The following SNX30 variants were observed in gnomAD, a reference collection of about 807,000 sequenced individuals.
SNX30 encodes sorting nexin-30.
A neutral mutation model predicts 46.4 loss-of-function variants in SNX30; 24 were observed. The observed-to-expected ratio is 0.52, with a 90% CI of 0.37 to 0.73. The LOEUF (loss-of-function observed/expected upper bound fraction) is 0.73, where lower values mean the gene tolerates loss of function less well. SNX30 is among the 30% of genes least tolerant of loss of function. SNX30 has a pLI of 0.00. For missense variants in SNX30, 533 were observed against 555.7 expected (o/e 0.96, Z 0.41); for synonymous variants, 189 against 211.5 (o/e 0.89, Z 0.92).
chr9:112,841,606 GCTC>G (rs886195994), intron 6 of SNX30, among the ~76,000 whole-genome samples: 6 of 152,202 alleles, frequency 3.9e-5, no homozygotes, highest in Non-Finnish European at 8.8e-5. Flanking sequence ...CAGGGCCACT[GCTC>G]CTCCACTTTT....
At chr9:112,807,065 T>C (rs1840237925) in intron 2 of SNX30, among the ~76,000 whole-genome samples, 1 of 115,110 alleles carries the variant, frequency 8.7e-6, no homozygotes, top group African/African-American at 3.9e-5. Flanking sequence ...TTTTTTTTTT[T>C]TTTTTTTTTT....
rs1839263628 is a variant in SNX30 at position 112,750,943 on chromosome 9, G to T, written c.-59G>T. The T allele has an allele frequency of 5.9e-6, 7 of 1,181,744 alleles. No individual in the cohort carries two copies. In the South Asian group the frequency reaches 2.9e-4, roughly 49 times the overall value. 73.2% of individuals were successfully genotyped at this position (1,181,744 alleles called of 1,614,324 possible). ...GGGCTCGGCCCGGGGTGCTCGGGGA[G>T]CTCGCCGCGGCGGGCAGCAGGAGGA... is the stretch of plus-strand genomic sequence containing the variant. On this transcript the variant is annotated 5_prime_UTR_variant, in exon 1 of 9. Transcript: ENST00000374232.
chr9:112,770,007 C>T (rs911467488), intron 1 of SNX30, among the ~76,000 whole-genome samples: 1 of 152,162 alleles, frequency 6.6e-6, no homozygotes, highest in African/African-American at 2.4e-5. Flanking sequence ...GCTACCCTGA[C>T]TGCTGTCATC....
chr9:112,751,355 G>C (rs1354691998), intron 1 of SNX30, among the ~76,000 whole-genome samples, 198 bp downstream of exon 1: 1 of 152,220 alleles, frequency 6.6e-6, no homozygotes, highest in South Asian at 2.1e-4. Context: ...AGAGGGACAG[G>C]CTTCGCTGCC....
intron 1 of SNX30, among the ~76,000 whole-genome samples, chr9:112,753,265 G>T (rs960578977): frequency 6.6e-6 from 1 of 152,080 alleles, no homozygotes; most frequent in Non-Finnish European, 1.5e-5. Flanking sequence ...CAAATTCCCC[G>T]TACCACCAAG....
intron 1 of SNX30, among the ~76,000 whole-genome samples, chr9:112,785,341 G>A (rs560979222): frequency 4.6e-4 from 69 of 150,320 alleles, no homozygotes; most frequent in African/African-American, 1.4e-3. Flanking sequence ...TCATCCTCCC[G>A]AGTAGCTGGG....
intron 6 of SNX30, among the ~76,000 whole-genome samples, chr9:112,839,289 A>G (rs1840818044): frequency 6.6e-6 from 1 of 152,262 alleles, no homozygotes; most frequent in Non-Finnish European, 1.5e-5. Flanking sequence ...TTAAAAGGAC[A>G]TGATAATTGC....
downstream of SNX30, chr9:112,879,650 C>T (rs368783808): frequency 8.8e-5 from 84 of 957,890 alleles, no homozygotes; most frequent in African/African-American, 5.0e-4. Context: ...CTGGCTGGAA[C>T]GCAGGTTTCT....
intron 1 of SNX30, among the ~76,000 whole-genome samples, chr9:112,795,765 T>TCACACA (rs1554751568): frequency 0.024 from 2,941 of 123,264 alleles, 91 homozygotes; most frequent in African/African-American, 0.082. Flanking sequence ...CACAGTACAG[T>TCACACA]CACACACACA....
At chr9:112,836,486 A>G in intron 5 of SNX30, 77 bp downstream of exon 5, 1 of 1,448,292 alleles carries the variant, frequency 6.9e-7, no homozygotes, top group Non-Finnish European at 9.4e-7. Context: ...GCTACAGAGA[A>G]TCAAACTGCA....
At position 112,818,813 on chromosome 9, in the gene SNX30, G is replaced by A. The variant is rs913916057; in HGVS notation, c.459+998G>A. Reference sequence around the variant, plus strand: ...CACTGGCAGTTTTCTCAGTTTTCAGGGTGAAAAGAGCCACGTTGCCAGTAC... The same window carrying A: ...CACTGGCAGTTTTCTCAGTTTTCAGAGTGAAAAGAGCCACGTTGCCAGTAC... On this transcript the variant is annotated intron_variant, in intron 3 of 8. Coordinates refer to ENST00000374232, the MANE Select transcript of SNX30 (RefSeq NM_001012994.2). 3.9e-5 allele frequency among the ~76,000 whole-genome samples: 6 copies of A among 152,268 alleles called. 1 individual carries two copies. The East Asian group carries it at 7.7e-4, about 20-fold the overall frequency.
chr9:112,814,236 A>G (rs921529331), intron 2 of SNX30, among the ~76,000 whole-genome samples: 2 of 152,132 alleles, frequency 1.3e-5, no homozygotes, highest in Non-Finnish European at 2.9e-5. Context: ...CTCAATTTTT[A>G]TTTTTATTTT....
At position 112,857,551 on chromosome 9, in the gene SNX30, T is replaced by A. The variant is rs573569809; in HGVS notation, c.1101+6606T>A. Among the ~76,000 whole-genome samples, 3 of 152,328 alleles carry A rather than the reference T, an allele frequency of 2.0e-5. No homozygotes were observed. In the South Asian group the frequency reaches 6.2e-4, roughly 32 times the overall value. On this transcript the variant is annotated intron_variant, in intron 7 of 8. Transcript: ENST00000374232. ...TGTGGCTGTCACTGGTCCTGGAGCC[T>A]GTCCTACAGCAGCCACGAGCTCCCC...
At chr9:112,817,400 G>GTTTTTTTTT (rs1256963697) in intron 2 of SNX30, among the ~76,000 whole-genome samples, 4 of 34,390 alleles carry the variant, frequency 1.2e-4, no homozygotes, top group African/African-American at 8.1e-4. Flanking sequence ...AAAAAAACTG[G>GTTTTTTTTT]CTTTTTTTTT....
At chr9:112,761,202 A>T (rs967670928) in intron 1 of SNX30, among the ~76,000 whole-genome samples, 17 of 152,300 alleles carry the variant, frequency 1.1e-4, no homozygotes, top group Non-Finnish European at 2.2e-4. Flanking sequence ...TCGCTCTGTC[A>T]TCCAGGCTGG....
chr9:112,843,348 G>A (rs1840886738), intron 6 of SNX30, among the ~76,000 whole-genome samples: 1 of 152,116 alleles, frequency 6.6e-6, no homozygotes, highest in African/African-American at 2.4e-5. Flanking sequence ...GTGAATGACT[G>A]GGGTGGGGTG....
At chr9:112,790,940 A>T (rs1042675408) in intron 1 of SNX30, among the ~76,000 whole-genome samples, 19 of 152,206 alleles carry the variant, frequency 1.2e-4, no homozygotes, top group Admixed American at 4.6e-4. Flanking sequence ...ACTTTCCAGA[A>T]TGGTTTTGAA....
chr9:112,797,020 T>C (rs1840117970), intron 1 of SNX30, among the ~76,000 whole-genome samples: 1 of 152,176 alleles, frequency 6.6e-6, no homozygotes, highest in South Asian at 2.1e-4. Flanking sequence ...GCTCTTCCCA[T>C]GGTGTCATGT....
chr9:112,803,800 G>C (rs1162878863), intron 1 of SNX30, among the ~76,000 whole-genome samples: 1 of 20,490 alleles, frequency 4.9e-5, no homozygotes, highest in Non-Finnish European at 1.0e-4. Context: ...TTCCGTGGGC[G>C]TAGGACCCTC....
Sources: gnomAD v4.1 joint callset for allele counts (sites outside exome capture counted in the v4.1 genomes callset) on GRCh38, gnomAD v4.1.1 for gene constraint, MANE v1.5 for transcripts, NCBI Gene and HGNC (gene_info 2026-07-23, HGNC 2026-07-21) for gene names.